CEP68: variants seen among roughly 807,000 people sequenced by gnomAD.
CEP68 encodes centrosomal protein of 68 kDa.
In CEP68, 26 loss-of-function variants were observed where a neutral mutation model predicts 55.3. That is an observed-to-expected ratio of 0.47 (90% confidence interval 0.34 to 0.65). The LOEUF (loss-of-function observed/expected upper bound fraction) is 0.65, where lower values mean the gene tolerates loss of function less well. CEP68 is among the 30% of genes least tolerant of loss of function. The pLI, the probability that CEP68 is intolerant of heterozygous loss-of-function variation, is 0.01. For missense variants in CEP68, 957 were observed against 946.7 expected (o/e 1.01, Z -0.14); for synonymous variants, 402 against 383.2 (o/e 1.05, Z -0.57).
intron 4 of CEP68, among the ~76,000 whole-genome samples, chr2:65,077,581 T>C (rs1189127906): frequency 1.3e-5 from 2 of 152,140 alleles, no homozygotes; most frequent in Non-Finnish European, 2.9e-5. Context: ...GTGAGGGCGC[T>C]AGAAGGAGAC....
At chr2:65,062,276 G>A (rs1675946021) in intron 1 of CEP68, among the ~76,000 whole-genome samples, 1 of 152,228 alleles carries the variant, frequency 6.6e-6, no homozygotes, top group African/African-American at 2.4e-5. Context: ...ACTCCCGCCT[G>A]TAAGCCCAAC....
At chr2:65,080,317 C>G in intron 5 of CEP68, 2 of 985,234 alleles carry the variant, frequency 2.0e-6, no homozygotes, top group Non-Finnish European at 2.4e-6. Flanking sequence ...CAGCCCTTCC[C>G]CATCCATCTG....
At chr2:65,080,588 C>T (rs1054843787) in intron 5 of CEP68, 4 of 960,544 alleles carry the variant, frequency 4.2e-6, no homozygotes, top group African/African-American at 1.8e-5. Context: ...GGAGGCCAAG[C>T]GGGCAGATCA....
intron 4 of CEP68, 126 bp from the exon 5 acceptor site, chr2:65,077,742 C>T (rs1676830071): frequency 4.9e-6 from 3 of 611,718 alleles, no homozygotes; most frequent in African/African-American, 1.9e-5. Flanking sequence ...ATTCTGCAGA[C>T]CTGATGGGGT....
chr2:65,056,800 G>T (rs2103732705), intron 1 of CEP68, among the ~76,000 whole-genome samples: 1 of 152,236 alleles, frequency 6.6e-6, no homozygotes, highest in Admixed American at 6.5e-5. Flanking sequence ...GCCGAGGCGG[G>T]CGGCTGGGCT....
At chr2:65,067,434 A>T (rs1406899414) in intron 1 of CEP68, among the ~76,000 whole-genome samples, 1 of 152,156 alleles carries the variant, frequency 6.6e-6, no homozygotes, top group Non-Finnish European at 1.5e-5. Context: ...GCATCAGGAA[A>T]CAAGGGTCAT....
chr2:65,075,536 C>T (rs1307053524), intron 4 of CEP68, among the ~76,000 whole-genome samples: 1 of 152,088 alleles, frequency 6.6e-6, no homozygotes, highest in Non-Finnish European at 1.5e-5. Flanking sequence ...TTAACTTGGT[C>T]CTAGATTTAG....
intron 3 of CEP68, 151 bp downstream of exon 3, chr2:65,073,131 A>G (rs777445696): frequency 5.7e-6 from 5 of 879,776 alleles, no homozygotes; most frequent in South Asian, 5.7e-5. Context: ...AGTCCTCACA[A>G]CTTTTACCAG....
Position 65,072,386 on chromosome 2 carries a change from C to A in CEP68, c.1290C>A (p.His430Gln). 1 of 1,613,916 alleles carries A rather than the reference C, an allele frequency of 6.2e-7. No homozygotes were observed. Among genetic ancestry groups the A allele is most frequent in the South Asian group, 1.1e-5 (1 of 91,086 alleles). The change falls in exon 3 of 7, where the codon CAC (histidine) becomes CAA (glutamine). Residue 430 changes from histidine (H) to glutamine (Q), a missense_variant. By Grantham distance (24) the His-to-Gln change is conservative. Transcript: ENST00000377990. ...GAKDRLTIGK[H>Q]LDMGSPQLRT... is the part of the protein sequence containing the mutation. The stretch of plus-strand genomic sequence containing the variant: ...AGGACCGGCTGACTATAGGCAAGCA[C>A]CTTGATATGGGCTCTCCCCAGCTAA...
rs1668969416 is a variant in CEP68, at chr2:65,084,439, A to C, written c.*805A>C. The C allele has an allele frequency of 6.6e-6, 1 of 152,174 alleles. No individual in the cohort carries two copies. The highest frequency in any genetic ancestry group is 6.5e-5 in the Admixed American group (1 of 15,272). 9.4% of individuals were successfully genotyped at this position (152,174 alleles called of 1,614,324 possible). ...AAGGGAACGGATAGGATGACACAGTAAGTACAGAAACTGAAGCTGTCAATA... is the reference window on the plus strand; with the variant it reads ...AAGGGAACGGATAGGATGACACAGTCAGTACAGAAACTGAAGCTGTCAATA... On this transcript the variant is annotated 3_prime_UTR_variant, in exon 7 of 7. Coordinates refer to ENST00000377990, the MANE Select transcript of CEP68 (RefSeq NM_015147.3).
chr2:65,057,693 C>T (rs1210742442), intron 1 of CEP68, among the ~76,000 whole-genome samples: 2 of 152,234 alleles, frequency 1.3e-5, no homozygotes, highest in African/African-American at 4.8e-5. Context: ...GCGTGGTAGT[C>T]TAAAGGTGAC....
chr2:65,057,806 T>C (rs1675709683), intron 1 of CEP68, among the ~76,000 whole-genome samples: 1 of 152,174 alleles, frequency 6.6e-6, no homozygotes, highest in Non-Finnish European at 1.5e-5. Context: ...AGCTCTGCCA[T>C]GTTACTAACT....
intron 1 of CEP68, among the ~76,000 whole-genome samples, chr2:65,064,052 A>G (rs1676036742): frequency 6.6e-6 from 1 of 152,232 alleles, no homozygotes; most frequent in Non-Finnish European, 1.5e-5. Flanking sequence ...AGTCTAAGAA[A>G]GTAACTACCT....
At position 65,085,850 on chromosome 2, in the gene CEP68, A is replaced by C. The variant is rs1324479885; in HGVS notation, c.*2216A>C. 6.6e-6 allele frequency: 1 copy of C among 152,210 alleles called. No individual in the cohort carries two copies. The highest frequency in any genetic ancestry group is 6.6e-5 in the Admixed American group (1 of 15,266). The allele number at this position is 152,210 out of a possible 1,614,324, so 9.4% of individuals were successfully genotyped here. On this transcript the variant is annotated 3_prime_UTR_variant, in exon 7 of 7. Transcript: ENST00000377990. ...CAAGCTGAAATTGTTTCAGCCTAGT[A>C]AGATGCTGCCAGCAGCATTTCTATG...
At chr2:65,080,305 C>A in intron 5 of CEP68, 1 of 985,246 alleles carries the variant, frequency 1.0e-6, no homozygotes, top group Non-Finnish European at 1.2e-6. Context: ...CAGATTGACA[C>A]ACAGCCCTTC....
intron 5 of CEP68, among the ~76,000 whole-genome samples, chr2:65,079,766 C>T (rs868373380): frequency 6.6e-6 from 1 of 152,352 alleles, no homozygotes; most frequent in South Asian, 2.1e-4. Context: ...TGGGCACTGG[C>T]TTTCCGCAGC....
Position 65,071,501 on chromosome 2 carries a change from G to C in CEP68, c.405G>C (p.Leu135=). 6.2e-7 allele frequency: 1 copy of C among 1,612,782 alleles called. No individual in the cohort carries two copies. Among genetic ancestry groups the C allele is most frequent in the South Asian group, 1.1e-5 (1 of 91,002 alleles). The change falls in exon 3 of 7, where the codon CTG becomes CTC. Residue 135 remains leucine, a synonymous_variant. Transcript: ENST00000377990. ...LSSSEEFPQT[L]SLPRTTTICS... is the part of the protein sequence containing the mutation. Reference sequence around the variant, plus strand: ...CCTCCGAGGAGTTCCCTCAGACTCTGAGCCTTCCCAGAACAACAACTATTT... The same window carrying C: ...CCTCCGAGGAGTTCCCTCAGACTCTCAGCCTTCCCAGAACAACAACTATTT...
At chr2:65,079,478 G>T (rs1036373661) in intron 5 of CEP68, among the ~76,000 whole-genome samples, 7 of 152,192 alleles carry the variant, frequency 4.6e-5, no homozygotes, top group African/African-American at 1.2e-4. Flanking sequence ...TTTTCAGCAG[G>T]TAAGTGATTC....
In CEP68 at chr2:65,072,244, C is replaced by T. The variant is rs1486726042; in HGVS notation, c.1148C>T (p.Pro383Leu). The change falls in exon 3 of 7, where the codon CCC becomes CTC. Residue 383 changes from proline to leucine, a missense_variant. Physicochemically the swap from Pro to Leu is moderately conservative, Grantham distance 98 (BLOSUM62 -3). Transcript: ENST00000377990. ...CTTAAGCAGTGGCCCTCCAGAGTAC[C>T]CCAGAAACAGGGTGGCATGGGCTTG... ...PSLKQWPSRV[P>L]QKQGGMGLAS... is the part of the protein sequence containing the mutation. The T allele has an allele frequency of 3.7e-6, 6 of 1,614,036 alleles. No homozygotes were observed. Among genetic ancestry groups the T allele is most frequent in the East Asian group, 2.2e-5 (1 of 44,884 alleles).
Sources: gnomAD v4.1 joint callset for allele counts (sites outside exome capture counted in the v4.1 genomes callset) on GRCh38, gnomAD v4.1.1 for gene constraint, MANE v1.5 for transcripts, NCBI Gene and HGNC (gene_info 2026-07-23, HGNC 2026-07-21) for gene names.